SEC14L3: variants seen among roughly 807,000 people sequenced by gnomAD.
The protein encoded by SEC14L3 is SEC14-like protein 3.
SEC14L3 carries 56 observed loss-of-function variants against 57.4 expected under a neutral mutation model. That is an observed-to-expected ratio of 0.97 (90% CI 0.79 to 1.22). The LOEUF (loss-of-function observed/expected upper bound fraction) is 1.22, where lower values mean the gene tolerates loss of function less well. Among genes scored for constraint, SEC14L3 ranks in the 50% most tolerant of loss-of-function variants. The pLI, the probability that SEC14L3 is intolerant of heterozygous loss-of-function variation, is 0.00. For missense variants in SEC14L3, 485 were observed against 511.7 expected (o/e 0.95, Z 0.50); for synonymous variants, 173 against 194.4 (o/e 0.89, Z 0.92).
chr22:30,456,597 A>C (rs1300264938), downstream of SEC14L3, among the ~76,000 whole-genome samples: 1 of 152,120 alleles, frequency 6.6e-6, no homozygotes, highest in African/African-American at 2.4e-5. Flanking sequence ...GGCAGGCACC[A>C]AGCCATTCAT....
chr22:30,459,976 G>T lies in SEC14L3; in HGVS notation c.*45C>A. ...AGGGAGGGAGTGTAGGATATAAACA[G>T]AGAAATCAAAGGGTTAGGAGGTCTC... is the stretch of plus-strand genomic sequence containing the variant. On this transcript the variant is annotated 3_prime_UTR_variant, in exon 12 of 12. Transcript: ENST00000215812. 6.2e-7 allele frequency: 1 copy of T among 1,603,308 alleles called. No homozygotes were observed. The highest frequency in any genetic ancestry group is 1.1e-5 in the South Asian group (1 of 90,222).
Position 30,461,547 on chromosome 22 carries a change from G to A in SEC14L3, c.911+8C>T. ...ATGGGTCTCTGAGGGGTTAGGGCCT[G>A]CCCCTACCTGAGAACGCAGCCTGGA... On this transcript the variant is annotated splice_region_variant and intron_variant, in intron 10 of 11. Coordinates refer to ENST00000215812, the MANE Select transcript of SEC14L3 (RefSeq NM_174975.5). The A allele has an allele frequency of 6.2e-7, 1 of 1,614,114 alleles. No individual in the cohort carries two copies. Among genetic ancestry groups the A allele is most frequent in the Non-Finnish European group, 8.5e-7 (1 of 1,180,022 alleles).
intron 8 of SEC14L3, among the ~76,000 whole-genome samples, chr22:30,463,884 C>T (rs574012036): frequency 1.1e-4 from 16 of 152,230 alleles, no homozygotes; most frequent in East Asian, 5.8e-4. Context: ...AAAAACCACA[C>T]GATCTCTCAC....
intron 8 of SEC14L3, among the ~76,000 whole-genome samples, chr22:30,462,686 G>C (rs1042918254): frequency 6.6e-6 from 1 of 151,750 alleles, no homozygotes; most frequent in African/African-American, 2.4e-5. Context: ...GCCTCCCAAA[G>C]TGTTGGGATT....
chr22:30,450,737 C>G (rs1934965534), intron 12 of SEC14L3, among the ~76,000 whole-genome samples: 1 of 152,192 alleles, frequency 6.6e-6, no homozygotes, highest in African/African-American at 2.4e-5. Flanking sequence ...CCTGCTGGCT[C>G]AAGGCCTGGG....
At chr22:30,456,944 C>T (rs1454634921), downstream of SEC14L3, among the ~76,000 whole-genome samples, 1 of 152,178 alleles carries the variant, frequency 6.6e-6, no homozygotes, top group Non-Finnish European at 1.5e-5. Context: ...CAGCTCTGGC[C>T]CTGGCCTTAG....
downstream of SEC14L3, among the ~76,000 whole-genome samples, chr22:30,457,514 C>A (rs1160761261): frequency 6.6e-6 from 1 of 151,408 alleles, no homozygotes; most frequent in Non-Finnish European, 1.5e-5. Context: ...TTCTGAGGAG[C>A]TGAGATTACA....
chr22:30,464,927 A>G, intron 7 of SEC14L3, 24 bp from the exon 8 acceptor site: 2 of 1,613,684 alleles, frequency 1.2e-6, no homozygotes, highest in Non-Finnish European at 1.7e-6. Context: ...AGTAAGGATA[A>G]TGGGAAGAAA....
intron 8 of SEC14L3, among the ~76,000 whole-genome samples, chr22:30,464,494 G>A (rs1309365123): frequency 6.6e-6 from 1 of 152,094 alleles, no homozygotes; most frequent in African/African-American, 2.4e-5. Context: ...GCAGTGGTGT[G>A]AACACGACTC....
chr22:30,468,649 A>G lies in SEC14L3; in HGVS notation c.282T>C (p.Asp94=), dbSNP rs773657571. 1.2e-6 allele frequency: 2 copies of G among 1,614,014 alleles called. No homozygotes were observed. Among genetic ancestry groups the G allele is most frequent in the Non-Finnish European group, 1.7e-6 (2 of 1,179,978 alleles). The part of the protein sequence containing the change: ...MPGGLCGYDR[D]GCPVWYDIIG... ...TGATGTCATACCACACGGGGCAGCC[A>G]TCACGGTCATAGCCACACAGGCCCC... Residue 94 remains aspartate (D), a synonymous_variant, in exon 5 of 12, where the codon GAT becomes GAC. Transcript: ENST00000215812.
chr22:30,456,799 T>C (rs28654856), downstream of SEC14L3, among the ~76,000 whole-genome samples: 13,077 of 152,184 alleles, frequency 0.086, 693 homozygotes, highest in African/African-American at 0.14. Context: ...GAGCTGAGCA[T>C]CTAGACCCTG....
chr22:30,461,406 G>A lies in SEC14L3; in HGVS notation c.985C>T (p.Arg329Trp), dbSNP rs774222918. The change falls in exon 11 of 12, where the codon CGG becomes TGG. Residue 329 changes from arginine (R) to tryptophan (W), a missense_variant. Coordinates refer to ENST00000215812, the MANE Select transcript of SEC14L3 (RefSeq NM_174975.5). ...AGAACATCTGTCATCTCCCCTGCCC[G>A]CTGTCGCTCCCCCATCTTGGTCTTC... ...FLKTKMGERQ[R>W]AGEMTDVLPS... is the part of the protein sequence containing the mutation. The A allele has an allele frequency of 2.9e-5, 47 of 1,613,940 alleles. No homozygotes were observed. The Middle Eastern group carries it at 6.6e-4, about 23-fold the overall frequency.
chr22:30,462,338 G>A (rs534112005), intron 8 of SEC14L3, 146 bp from the exon 9 acceptor site: 2 of 1,235,822 alleles, frequency 1.6e-6, no homozygotes, highest in East Asian at 5.2e-5. Context: ...TAGGCCTGGG[G>A]CTACAGTAAG....
chr22:30,459,000 C>A (rs1249207889), downstream of SEC14L3, among the ~76,000 whole-genome samples: 2 of 152,124 alleles, frequency 1.3e-5, no homozygotes, highest in African/African-American at 2.4e-5. Context: ...CAGAGCGAGA[C>A]CCTGTCTCAA....
chr22:30,452,557 C>T (rs1206604350), intron 12 of SEC14L3, among the ~76,000 whole-genome samples: 1 of 151,998 alleles, frequency 6.6e-6, no homozygotes. Context: ...TTCCCTTCTT[C>T]CTGTCACCTA....
At chr22:30,454,284 C>A (rs553547680), downstream of SEC14L3, among the ~76,000 whole-genome samples, 2 of 152,058 alleles carry the variant, frequency 1.3e-5, no homozygotes, top group South Asian at 4.1e-4. Context: ...GCCCTCTCTG[C>A]AGCTTAAGAG....
At chr22:30,454,524 T>G (rs28483863), downstream of SEC14L3, among the ~76,000 whole-genome samples, 35,129 of 107,240 alleles carry the variant, frequency 0.33, 8,635 homozygotes, top group South Asian at 0.57. Flanking sequence ...AATATTATTA[T>G]ATATAATCTA....
chr22:30,467,119 G>A (rs1935443154), intron 5 of SEC14L3, 42 bp from the exon 6 acceptor site: 1 of 1,612,228 alleles, frequency 6.2e-7, no homozygotes, highest in South Asian at 1.1e-5. Context: ...AGTTCAGGGT[G>A]TAGGCTTGGG....
chr22:30,456,831 C>G (rs575607338), downstream of SEC14L3, among the ~76,000 whole-genome samples: 1 of 152,312 alleles, frequency 6.6e-6, no homozygotes, highest in East Asian at 1.9e-4. Context: ...AGGCTAGAAG[C>G]TGGAGCTTGG....
Sources: allele counts gnomAD v4.1 joint callset (sites outside exome capture counted in the v4.1 genomes callset), GRCh38; gene constraint gnomAD v4.1.1; transcripts MANE v1.5; gene names NCBI Gene and HGNC (gene_info 2026-07-23, HGNC 2026-07-21).